SGCD: variants seen among roughly 807,000 people sequenced by gnomAD.
SGCD encodes sarcoglycan delta, also known as delta-sarcoglycan.
In SGCD, 18 loss-of-function variants were observed where a neutral mutation model predicts 36.6. The ratio of observed to expected loss-of-function variants is 0.49; its 90% confidence interval spans 0.34 to 0.73. SGCD has a LOEUF of 0.73. Among genes scored for constraint, SGCD ranks in the 30% least tolerant of loss-of-function variants. The pLI is 0.01. For missense variants in SGCD, 387 were observed against 346.7 expected, an observed-to-expected ratio of 1.12 and a Z score of -0.92; for synonymous variants, 133 against 130.6, an observed-to-expected ratio of 1.02 and a Z score of -0.12.
intron 6 of SGCD, among the ~76,000 whole-genome samples, chr5:156,610,755 C>T (rs193142543): frequency 0.014 from 2,156 of 152,338 alleles, 22 homozygotes; most frequent in Non-Finnish European, 0.023. Context: ...GCGCCCCTCC[C>T]CCAGCCTCGC....
At chr5:156,510,426 T>C (rs1756880363) in intron 4 of SGCD, among the ~76,000 whole-genome samples, 1 of 152,182 alleles carries the variant, frequency 6.6e-6, no homozygotes, top group African/African-American at 2.4e-5. Flanking sequence ...TATCTTGTTT[T>C]CCCAACCTGG....
chr5:155,956,270 T>C (rs2113440837), intron 1 of SGCD, among the ~76,000 whole-genome samples: 1 of 152,138 alleles, frequency 6.6e-6, no homozygotes, highest in Non-Finnish European at 1.5e-5. Flanking sequence ...TTGCAAGAGG[T>C]GATTTTATTG....
chr5:155,986,909 G>T (rs1041234614), intron 1 of SGCD, among the ~76,000 whole-genome samples: 3 of 152,150 alleles, frequency 2.0e-5, no homozygotes, highest in African/African-American at 7.2e-5. Flanking sequence ...GAACTGGGGT[G>T]GATCTTAGTA....
At chr5:156,631,564 T>C (rs1762635421) in intron 6 of SGCD, among the ~76,000 whole-genome samples, 2 of 151,700 alleles carry the variant, frequency 1.3e-5, no homozygotes, top group South Asian at 4.2e-4. Flanking sequence ...TTTTTTCTGT[T>C]TGTAGGGATA....
At chr5:156,756,045 CA>C (rs1757322887) in intron 7 of SGCD, among the ~76,000 whole-genome samples, 1 of 152,072 alleles carries the variant, frequency 6.6e-6, no homozygotes, top group African/African-American at 2.4e-5. Context: ...GTGGCAAAAA[CA>C]GAACAAAGAA....
rs113684270 is a variant in SGCD, at chr5:156,057,833, TA to T, written c.-281-60036del. Among the ~76,000 whole-genome samples the T allele has an allele frequency of 8.7e-4, 126 of 144,138 alleles. 10 individuals are homozygous for T. The Middle Eastern group carries it at 0.018, about 21-fold the overall frequency. 94.6% of individuals were successfully genotyped at this position (144,138 alleles called of 152,430 possible). On this transcript the variant is annotated intron_variant, in intron 1 of 9. Transcript: ENST00000517913. ...TAAAACCATGAGTACCTAAGAATGCTAAAAAAAAATCAATCACTGGTCACTT... is the reference window on the plus strand; with the variant it reads ...TAAAACCATGAGTACCTAAGAATGCTAAAAAAAATCAATCACTGGTCACTT...
At chr5:156,274,526 T>C (rs924180528) in intron 3 of SGCD, among the ~76,000 whole-genome samples, 3 of 152,178 alleles carry the variant, frequency 2.0e-5, no homozygotes, top group Non-Finnish European at 4.4e-5. Flanking sequence ...CTTTGGGAGA[T>C]TATTTAATCA....
chr5:155,834,920 C>G, the SGCD span, among the ~76,000 whole-genome samples: 6,535 of 150,020 alleles, frequency 0.044, 311 homozygotes, highest in African/African-American at 0.11. Flanking sequence ...AGTGCAACCT[C>G]TGCTTCCCAG....
chr5:156,688,842 C>T (rs1360725866), intron 7 of SGCD, among the ~76,000 whole-genome samples: 1 of 152,218 alleles, frequency 6.6e-6, no homozygotes, highest in Non-Finnish European at 1.5e-5. Context: ...GCTATCATAT[C>T]TCTTGTGCAA....
intron 1 of SGCD, among the ~76,000 whole-genome samples, chr5:155,970,189 T>C (rs1757981475): frequency 6.6e-6 from 1 of 152,000 alleles, no homozygotes; most frequent in African/African-American, 2.4e-5. Flanking sequence ...AAAAGAGCTT[T>C]CCTATTCTTC....
intron 3 of SGCD, among the ~76,000 whole-genome samples, chr5:156,407,881 C>T (rs1296074039): frequency 6.6e-6 from 1 of 152,104 alleles, no homozygotes; most frequent in Non-Finnish European, 1.5e-5. Context: ...TAAGACATTC[C>T]ACTCCCAAAG....
chr5:155,771,430 ATTT>A, the SGCD span, among the ~76,000 whole-genome samples: 1 of 142,040 alleles, frequency 7.0e-6, no homozygotes. Context: ...TTAATTTTTA[ATTT>A]TTTTTTTTTT....
chr5:156,274,976 T>TAA (rs886682476), intron 3 of SGCD, among the ~76,000 whole-genome samples: 7 of 152,284 alleles, frequency 4.6e-5, no homozygotes, highest in African/African-American at 1.2e-4. Flanking sequence ...TTAGGCTGAG[T>TAA]AAAATGTCAG....
chr5:156,294,709 A>T (rs537324400), intron 3 of SGCD, among the ~76,000 whole-genome samples: 10 of 152,220 alleles, frequency 6.6e-5, no homozygotes, highest in African/African-American at 2.2e-4. Flanking sequence ...GAATTTTGTC[A>T]AATGCTTTTT....
chr5:156,191,181 TATAATA>T, intron 3 of SGCD, among the ~76,000 whole-genome samples: 1 of 152,178 alleles, frequency 6.6e-6, no homozygotes, highest in South Asian at 2.1e-4. Context: ...CGGTTCCTAG[TATAATA>T]ATTAGAGTTA....
At chr5:155,805,912 G>A in the SGCD span, among the ~76,000 whole-genome samples, 1 of 152,162 alleles carries the variant, frequency 6.6e-6, no homozygotes, top group Non-Finnish European at 1.5e-5. Context: ...TGCCAGGTGG[G>A]AAACAAACCA....
intron 1 of SGCD, among the ~76,000 whole-genome samples, chr5:155,954,848 G>T (rs1026984990): frequency 6.6e-6 from 1 of 152,164 alleles, no homozygotes. Flanking sequence ...TCAGCAAGCT[G>T]CTGGTCTACG....
intron 1 of SGCD, among the ~76,000 whole-genome samples, chr5:155,948,728 G>A (rs1186069418): frequency 6.6e-6 from 1 of 152,136 alleles, no homozygotes; most frequent in Non-Finnish European, 1.5e-5. Flanking sequence ...AGAATCAGAA[G>A]ACCTTAAGAG....
chr5:156,647,530 A>T lies in SGCD; in HGVS notation c.569A>T (p.Glu190Val). Residue 190 changes from glutamate to valine, a missense_variant, in exon 7 of 9, where the codon GAA (glutamate) becomes GTA (valine). Transcript: ENST00000337851. ...AATGTCAGGGCAGACCCCTTCAAAG[A>T]ACTAAGGTAAACTTCTGACTTTGGT... ...TPNVRADPFK[E>V]LRLESPTRSL... 1 of 1,569,646 alleles carries T rather than the reference A, an allele frequency of 6.4e-7. No homozygotes were observed. Among genetic ancestry groups the T allele is most frequent in the East Asian group, 2.3e-5 (1 of 43,244 alleles).
Sources: allele counts gnomAD v4.1 joint callset (sites outside exome capture counted in the v4.1 genomes callset), GRCh38; gene constraint gnomAD v4.1.1; transcripts MANE v1.5; gene names NCBI Gene and HGNC (gene_info 2026-07-23, HGNC 2026-07-21).